The following OOEP variants were observed in gnomAD, a reference collection of about 807,000 sequenced individuals.
OOEP encodes the protein oocyte-expressed protein homolog.
A neutral mutation model predicts 13.7 loss-of-function variants in OOEP; 16 were observed. The observed-to-expected ratio is 1.16, with a 90% CI of 0.79 to 1.77. OOEP has a LOEUF of 1.77. Among genes scored for constraint, OOEP ranks in the 40% most tolerant of loss-of-function variants. The pLI is 0.00. For missense variants in OOEP, 195 were observed against 193.1 expected (o/e 1.01, Z -0.06); for synonymous variants, 89 against 77.1 (o/e 1.15, Z -0.81).
chr6:73,375,642 A>G (rs976688864), intron 2 of OOEP, among the ~76,000 whole-genome samples: 18 of 147,290 alleles, frequency 1.2e-4, no homozygotes, highest in Middle Eastern at 3.6e-3. Flanking sequence ...ATATTTATAT[A>G]AAATTAAGTT....
chr6:73,370,246 G>C (rs1013624421), upstream of OOEP, among the ~76,000 whole-genome samples: 3 of 152,166 alleles, frequency 2.0e-5, no homozygotes, highest in African/African-American at 7.2e-5. Flanking sequence ...GGGCAGGCTT[G>C]TTCAATGTGT....
Position 73,369,897 on chromosome 6 carries a change from C to T in OOEP, c.-105G>A. 1 of 1,079,600 alleles carries T rather than the reference C, an allele frequency of 9.3e-7. No individual in the cohort carries two copies. The highest frequency in any genetic ancestry group is 1.3e-6 in the Non-Finnish European group (1 of 745,440). The allele number at this position is 1,079,600 out of a possible 1,614,324, so 66.9% of individuals were successfully genotyped here. ...CTCTTTTACCATATTCGACCCGCTC[C>T]GCCCCTTCCGGCGGCGCCTCGCACC... On this transcript the variant is annotated 5_prime_UTR_variant, in exon 1 of 3. Coordinates refer to ENST00000370359, the MANE Select transcript of OOEP (RefSeq NM_001080507.3).
intron 2 of OOEP, among the ~76,000 whole-genome samples, chr6:73,382,418 A>G (rs1769223106): frequency 1.3e-5 from 2 of 151,584 alleles, no homozygotes; most frequent in Admixed American, 1.3e-4. Context: ...GGGTTTCACT[A>G]TCTTGGCCAG....
intron 2 of OOEP, among the ~76,000 whole-genome samples, chr6:73,375,552 C>T (rs954225781): frequency 1.1e-4 from 16 of 148,868 alleles, no homozygotes; most frequent in Non-Finnish European, 2.9e-5. Context: ...TGCACTCCAG[C>T]CTGGACTCTC....
At chr6:73,371,242 T>A (rs982527708), upstream of OOEP, among the ~76,000 whole-genome samples, 1 of 152,150 alleles carries the variant, frequency 6.6e-6, no homozygotes, top group Non-Finnish European at 1.5e-5. Context: ...AACTTGACTA[T>A]CAGGTGTGCA....
At chr6:73,373,889 A>AAAAATATATTTTTTAAATATATTTTT (rs1164269494), upstream of OOEP, among the ~76,000 whole-genome samples, 6 of 152,158 alleles carry the variant, frequency 3.9e-5, no homozygotes, top group African/African-American at 1.2e-4. Context: ...GCGCTTTGCC[A>AAAAATATATTTTTTAAATATATTTTT]AAAATATATT....
intron 2 of OOEP, among the ~76,000 whole-genome samples, chr6:73,375,328 A>T (rs2150779981): frequency 6.6e-6 from 1 of 151,850 alleles, no homozygotes; most frequent in African/African-American, 2.4e-5. Flanking sequence ...TCAGGCCTGT[A>T]ATCCCAGCAC....
chr6:73,395,000 C>G (rs1562281821), exon 1 of OOEP: 1 of 1,614,214 alleles, frequency 6.2e-7, no homozygotes, highest in Non-Finnish European at 8.5e-7. Context: ...AGGAGGCCGG[C>G]GGAGGAGTTG....
chr6:73,369,524 G>A (rs1769010764), intron 1 of OOEP, 79 bp downstream of exon 1: 3 of 1,524,440 alleles, frequency 2.0e-6, no homozygotes, highest in Non-Finnish European at 2.7e-6. Context: ...ATCTGGGAAA[G>A]AGACTGTAGA....
rs183469633 is a variant in OOEP at position 73,376,872 on chromosome 6, G to A, written c.26-7487C>T. Among the ~76,000 whole-genome samples the A allele has an allele frequency of 6.7e-4, 102 of 152,238 alleles. 3 individuals carry two copies. In the East Asian group the frequency reaches 0.012, roughly 18 times the overall value. On this transcript the variant is annotated intron_variant, in intron 2 of 3. Transcript: ENST00000370363. ...TCACCATTTTGGCCAGGCTGGTCTC[G>A]AACTCCTGACCTCAGGTGATCCACC...
At chr6:73,376,396 TCAATTAAGGA>T (rs1769139424) in intron 2 of OOEP, among the ~76,000 whole-genome samples, 1 of 137,712 alleles carries the variant, frequency 7.3e-6, no homozygotes, top group African/African-American at 2.7e-5. Flanking sequence ...CACATCTATC[TCAATTAAGGA>T]CCCTGGGTTC....
At chr6:73,373,020 G>A (rs1769084750), upstream of OOEP, 1 of 1,083,276 alleles carries the variant, frequency 9.2e-7, no homozygotes, top group Non-Finnish European at 1.4e-6. Flanking sequence ...GAAATCTCCA[G>A]ATAGTGGTGA....
intron 2 of OOEP, among the ~76,000 whole-genome samples, chr6:73,384,084 A>G (rs1366570952): frequency 6.6e-6 from 1 of 152,198 alleles, no homozygotes; most frequent in African/African-American, 2.4e-5. Context: ...CAACAGAGTG[A>G]GACCCTGTCT....
Position 73,379,657 on chromosome 6 carries a change from A to AAAAAAAAAAAAG in OOEP, c.26-10273_26-10272insCTTTTTTTTTTT, listed in dbSNP as rs1554233272. Among the ~76,000 whole-genome samples, 16 of 110,928 alleles carry AAAAAAAAAAAAG rather than the reference A, an allele frequency of 1.4e-4. 2 individuals carry two copies. The highest frequency in any genetic ancestry group is 5.6e-4 in the East Asian group (2 of 3,552). The allele number at this position is 110,928 out of a possible 152,430, so 72.8% of individuals were successfully genotyped here. ...CTATCTCAAAAAAAAAAAAAAAAAA[A>AAAAAAAAAAAAG]AAAAGTGGCCTTATTTTACATGTTT... On this transcript the variant is annotated intron_variant, in intron 2 of 3. Transcript: ENST00000370363.
chr6:73,381,626 ACT>A (rs1295179535), intron 2 of OOEP, among the ~76,000 whole-genome samples: 1 of 152,020 alleles, frequency 6.6e-6, no homozygotes, highest in Non-Finnish European at 1.5e-5. Context: ...TGGCCAGTAC[ACT>A]CTTCTTGGTA....
upstream of OOEP, chr6:73,395,135 A>G (rs762508691): frequency 1.9e-6 from 3 of 1,613,492 alleles, no homozygotes; most frequent in South Asian, 3.3e-5. Context: ...TTGAAGAGCC[A>G]CTTTGTTGGC....
At chr6:73,394,613 C>A in intron 1 of OOEP, 1 of 499,352 alleles carries the variant, frequency 2.0e-6, no homozygotes, top group Non-Finnish European at 3.4e-6. Flanking sequence ...AAGGAATACA[C>A]AGTGGGGGGG....
chr6:73,390,172 AAAAG>A (rs752740840), intron 2 of OOEP, among the ~76,000 whole-genome samples: 274 of 152,332 alleles, frequency 1.8e-3, no homozygotes, highest in Non-Finnish European at 3.1e-3. Context: ...GGGAAAGAAA[AAAAG>A]AAATAAGAAA....
rs759101762 is a variant in OOEP, at chr6:73,368,746, T to G, written c.*38A>C. On this transcript the variant is annotated 3_prime_UTR_variant, in exon 3 of 3. Coordinates refer to ENST00000370359, the MANE Select transcript of OOEP (RefSeq NM_001080507.3). Reference sequence around the variant, plus strand: ...TTTCTTCAACTTTAGCAGCAAAAGTTAGAAAGTTAAGATGTTCCCAACAGT... The same window carrying G: ...TTTCTTCAACTTTAGCAGCAAAAGTGAGAAAGTTAAGATGTTCCCAACAGT... 10 of 1,411,102 alleles carry G rather than the reference T, an allele frequency of 7.1e-6. No individual in the cohort carries two copies. The highest frequency in any genetic ancestry group is 1.0e-5 in the Non-Finnish European group (10 of 995,586). The allele number at this position is 1,411,102 out of a possible 1,614,324, so 87.4% of individuals were successfully genotyped here.
Sources: allele counts gnomAD v4.1 joint callset (sites outside exome capture counted in the v4.1 genomes callset), GRCh38; gene constraint gnomAD v4.1.1; transcripts MANE v1.5; gene names NCBI Gene and HGNC (gene_info 2026-07-23, HGNC 2026-07-21).